The following CAMK1D variants were observed in gnomAD, a reference collection of about 807,000 sequenced individuals.
CAMK1D encodes calcium/calmodulin dependent protein kinase ID, also known as calcium/calmodulin-dependent protein kinase type 1D.
In CAMK1D, 9 loss-of-function variants were observed where a neutral mutation model predicts 47.7. That is an observed-to-expected ratio of 0.19 (90% CI 0.11 to 0.33). The LOEUF is 0.33. Among genes scored for constraint, CAMK1D ranks in the 10% least tolerant of loss-of-function variants. The pLI is 1.00. For missense variants in CAMK1D, 291 were observed against 488.7 expected, an observed-to-expected ratio of 0.60 and a Z score of 3.81; for synonymous variants, 184 against 184.9, an observed-to-expected ratio of 0.99 and a Z score of 0.04.
chr10:12,387,415 A>T (rs1238946635), intron 1 of CAMK1D, among the ~76,000 whole-genome samples: 1 of 37,328 alleles, frequency 2.7e-5, no homozygotes, highest in Non-Finnish European at 6.4e-5. Context: ...TATTATATAT[A>T]TTTTATATAT....
chr10:12,666,247 A>C (rs1287751518), intron 2 of CAMK1D, among the ~76,000 whole-genome samples: 2 of 152,122 alleles, frequency 1.3e-5, no homozygotes, highest in East Asian at 3.9e-4. Context: ...ACCCATGGAC[A>C]TGCCAGAGAA....
intron 2 of CAMK1D, among the ~76,000 whole-genome samples, chr10:12,654,854 A>ACTGAGTGGTCTTGT (rs1840074711): frequency 6.6e-6 from 1 of 152,254 alleles, no homozygotes; most frequent in Non-Finnish European, 1.5e-5. Context: ...TCAGTAATTT[A>ACTGAGTGGTCTTGT]GTAATAAATG....
At chr10:12,742,695 A>G (rs767277954) in intron 3 of CAMK1D, among the ~76,000 whole-genome samples, 6 of 152,124 alleles carry the variant, frequency 3.9e-5, no homozygotes, top group African/African-American at 7.2e-5. Context: ...GTGAGGTGCC[A>G]TTGAACAGTT....
chr10:12,547,649 C>CCA (rs1554786323), intron 1 of CAMK1D, among the ~76,000 whole-genome samples: 3 of 104,946 alleles, frequency 2.9e-5, no homozygotes, highest in African/African-American at 1.2e-4. Context: ...ACCCCCCCCC[C>CCA]AACCCTGCAC....
intron 6 of CAMK1D, 84 bp downstream of exon 6, chr10:12,791,317 TTTTAAGGGTACAG>T: frequency 8.0e-7 from 1 of 1,242,812 alleles, no homozygotes; most frequent in East Asian, 2.3e-5. Flanking sequence ...AATTTACCAT[TTTTAAGGGTACAG>T]TTTAAGGGTG....
chr10:12,555,736 G>T (rs1279878399), intron 2 of CAMK1D, among the ~76,000 whole-genome samples: 1 of 152,230 alleles, frequency 6.6e-6, no homozygotes, highest in Non-Finnish European at 1.5e-5. Context: ...TTTACGTTGG[G>T]CACAGGGGCT....
chr10:12,509,602 G>C (rs539088839), intron 1 of CAMK1D, among the ~76,000 whole-genome samples: 1 of 152,146 alleles, frequency 6.6e-6, no homozygotes, highest in African/African-American at 2.4e-5. Context: ...AACAAAATGA[G>C]TATCCAGGTG....
chr10:12,762,504 C>T (rs1836557819), intron 4 of CAMK1D, among the ~76,000 whole-genome samples: 1 of 152,034 alleles, frequency 6.6e-6, no homozygotes, highest in Admixed American at 6.6e-5. Context: ...CCCGAATGTT[C>T]GCCCATATCA....
At chr10:12,457,390 C>CA (rs60189486) in intron 1 of CAMK1D, among the ~76,000 whole-genome samples, 168 of 131,976 alleles carry the variant, frequency 1.3e-3, no homozygotes, top group East Asian at 3.5e-3. Context: ...GACTCTGTCT[C>CA]AAAAAAAAAA....
chr10:12,637,567 CAGG>C (rs1839545158), intron 2 of CAMK1D, among the ~76,000 whole-genome samples: 1 of 137,618 alleles, frequency 7.3e-6, no homozygotes, highest in Non-Finnish European at 1.5e-5. Flanking sequence ...CCCAAGGTCC[CAGG>C]CAGAATTCCT....
At chr10:12,640,356 G>A (rs985448486) in intron 2 of CAMK1D, among the ~76,000 whole-genome samples, 4 of 152,110 alleles carry the variant, frequency 2.6e-5, no homozygotes, top group Admixed American at 6.5e-5. Context: ...GCAAGTTAAT[G>A]AACCATGTCT....
chr10:12,457,671 C>T (rs1457737278), intron 1 of CAMK1D, among the ~76,000 whole-genome samples: 5 of 150,588 alleles, frequency 3.3e-5, no homozygotes, highest in Non-Finnish European at 5.9e-5. Context: ...GTTCCAGCTA[C>T]TTGGGAGGCT....
chr10:12,753,351 G>T (rs1836076025), intron 3 of CAMK1D, among the ~76,000 whole-genome samples: 1 of 152,224 alleles, frequency 6.6e-6, no homozygotes, highest in Admixed American at 6.5e-5. Context: ...CGTGCTGGCT[G>T]TGTTCAACCA....
intron 1 of CAMK1D, among the ~76,000 whole-genome samples, chr10:12,436,333 T>A (rs751411763): frequency 3.9e-5 from 6 of 152,174 alleles, no homozygotes; most frequent in Non-Finnish European, 8.8e-5. Context: ...CTCTTCACAT[T>A]CACTGGAAGC....
chr10:12,706,331 G>A (rs542319816), intron 3 of CAMK1D, among the ~76,000 whole-genome samples: 1 of 152,146 alleles, frequency 6.6e-6, no homozygotes, highest in Non-Finnish European at 1.5e-5. Context: ...CGCAGTTGAC[G>A]GCAGGTAACT....
chr10:12,769,611 C>G, intron 4 of CAMK1D, 62 bp from the exon 5 acceptor site: 1 of 1,580,288 alleles, frequency 6.3e-7, no homozygotes, highest in Non-Finnish European at 8.6e-7. Context: ...CTGAATGAGT[C>G]TTCCACAATT....
At chr10:12,669,521 A>G (rs1450444925) in intron 3 of CAMK1D, among the ~76,000 whole-genome samples, 1 of 152,194 alleles carries the variant, frequency 6.6e-6, no homozygotes, top group East Asian at 1.9e-4. Context: ...TTCTCATTAT[A>G]CCAATCAACT....
Position 12,769,741 on chromosome 10 carries a change from A to C in CAMK1D, c.507A>C (p.Ser169=), listed in dbSNP as rs1288415633. Reference sequence around the variant, plus strand: ...TAATGATCAGTGACTTTGGATTGTCAAAAATGGAGGGCAAAGGAGATGTGA... The same window carrying C: ...TAATGATCAGTGACTTTGGATTGTCCAAAATGGAGGGCAAAGGAGATGTGA... The part of the protein sequence containing the change: ...SKIMISDFGL[S]KMEGKGDVMS... The change falls in exon 5 of 11, where the codon TCA becomes TCC. Residue 169 remains serine, a synonymous_variant. Coordinates refer to ENST00000619168, the MANE Select transcript of CAMK1D (RefSeq NM_153498.4). 1 of 1,614,186 alleles carries C rather than the reference A, an allele frequency of 6.2e-7. No individual in the cohort carries two copies. The highest frequency in any genetic ancestry group is 2.2e-5 in the East Asian group (1 of 44,888).
intron 1 of CAMK1D, among the ~76,000 whole-genome samples, chr10:12,397,923 G>A (rs1839021234): frequency 6.6e-6 from 1 of 152,076 alleles, no homozygotes. Context: ...TCTTTTCGAG[G>A]GGCCCAACTC....
Sources: gnomAD v4.1 joint callset for allele counts (sites outside exome capture counted in the v4.1 genomes callset) on GRCh38, gnomAD v4.1.1 for gene constraint, MANE v1.5 for transcripts, NCBI Gene and HGNC (gene_info 2026-07-23, HGNC 2026-07-21) for gene names.